The following SLC22A25 variants were observed in gnomAD, a reference collection of about 807,000 sequenced individuals.
SLC22A25 encodes the protein solute carrier family 22 member 25, also known as MGI:2442751, MGI:2385316, MGI:3042283, MGI:3645714, MGI:3605624, MGI:2442750.
A neutral mutation model predicts 45.9 loss-of-function variants in SLC22A25; 44 were observed. That is an observed-to-expected ratio of 0.96 (90% CI 0.75 to 1.23). SLC22A25 has a LOEUF of 1.23. SLC22A25 is among the 50% of genes most tolerant of loss of function. The pLI is 0.00. For missense variants in SLC22A25, 800 were observed against 666.4 expected (o/e 1.20, Z -2.21); for synonymous variants, 283 against 238.6 (o/e 1.19, Z -1.72).
intron 1 of SLC22A25, among the ~76,000 whole-genome samples, chr11:63,242,784 C>T (rs1590931282): frequency 6.6e-6 from 1 of 152,162 alleles, no homozygotes; most frequent in East Asian, 1.9e-4. Flanking sequence ...TTCTATTGCT[C>T]TTTGGCCCCA....
intron 1 of SLC22A25, among the ~76,000 whole-genome samples, chr11:63,241,789 G>T (rs754323475): frequency 1.3e-5 from 2 of 152,146 alleles, no homozygotes; most frequent in African/African-American, 4.8e-5. Context: ...GCACCTGAGG[G>T]TATGCACTGA....
intron 9 of SLC22A25, among the ~76,000 whole-genome samples, chr11:63,179,400 C>T (rs571235452): frequency 3.3e-5 from 5 of 152,200 alleles, no homozygotes; most frequent in African/African-American, 7.2e-5. Flanking sequence ...TCCTGTCTTC[C>T]CAGACTGGCT....
chr11:63,233,222 C>A (rs1456540915), intron 3 of SLC22A25, among the ~76,000 whole-genome samples: 1 of 152,132 alleles, frequency 6.6e-6, no homozygotes, highest in East Asian at 1.9e-4. Context: ...CCAGCTCCTC[C>A]TTTTACCTCT....
intron 7 of SLC22A25, among the ~76,000 whole-genome samples, chr11:63,207,492 C>T (rs1310290986): frequency 1.3e-5 from 2 of 152,078 alleles, no homozygotes; most frequent in Non-Finnish European, 2.9e-5. Flanking sequence ...GACATTTATG[C>T]AGCCAACAAA....
At chr11:63,201,634 C>A (rs539928393) in intron 7 of SLC22A25, among the ~76,000 whole-genome samples, 94 of 152,226 alleles carry the variant, frequency 6.2e-4, no homozygotes, top group African/African-American at 2.1e-3. Context: ...AAAGCAATTG[C>A]AACCAAAGCA....
At chr11:63,164,229 A>G (rs556951774) in intron 11 of SLC22A25, among the ~76,000 whole-genome samples, 156 bp from the exon 12 acceptor site, 1 of 152,286 alleles carries the variant, frequency 6.6e-6, no homozygotes, top group East Asian at 1.9e-4. Context: ...CTAGCAATTT[A>G]TTTTAGATTC....
intron 1 of SLC22A25, among the ~76,000 whole-genome samples, chr11:63,240,619 C>A (rs1029553265): frequency 6.6e-6 from 1 of 151,966 alleles, no homozygotes; most frequent in Non-Finnish European, 1.5e-5. Context: ...TTTTTTATAT[C>A]CTTGTTCATT....
chr11:63,213,767 C>T lies in SLC22A25; in HGVS notation c.830+3547G>A, dbSNP rs546598939. Among the ~76,000 whole-genome samples the T allele has an allele frequency of 5.3e-5, 8 of 152,218 alleles. No individual in the cohort carries two copies. In the East Asian group the frequency reaches 5.8e-4, roughly 11 times the overall value. On this transcript the variant is annotated intron_variant, in intron 7 of 11. Coordinates refer to ENST00000306494, the MANE Select transcript of SLC22A25 (RefSeq NM_199352.6). ...CCCACTGTTGCATAAATATGGTGGA[C>T]GAAGTGTTCTCGAGCCGGGAAGATC...
chr11:63,180,541 T>C, intron 9 of SLC22A25, 119 bp downstream of exon 9: 1 of 686,572 alleles, frequency 1.5e-6, no homozygotes, highest in Non-Finnish European at 2.4e-6. Flanking sequence ...ATTCTCTTTA[T>C]GGATTTATCA....
At position 63,163,214 on chromosome 11, in the gene SLC22A25, A is replaced by C. The variant is rs1284601190; in HGVS notation, c.*610T>G. On this transcript the variant is annotated 3_prime_UTR_variant, in exon 12 of 12. Transcript: ENST00000306494. ...CACTTGGACACCATGGCATTGACCA[A>C]AGGGATTTTGGAAAAGGCAAGAGAA... Among the ~76,000 whole-genome samples, 1 of 152,202 alleles carries C rather than the reference A, an allele frequency of 6.6e-6. No homozygotes were observed. The highest frequency in any genetic ancestry group is 1.5e-5 in the Non-Finnish European group (1 of 68,034).
Position 63,217,668 on chromosome 11 carries a change from AGGCCGCACAG to A in SLC22A25, c.564_573del (p.Cys189LeufsTer24). On this transcript the variant is annotated frameshift_variant, in exon 6 of 12. Transcript: ENST00000306494. LOFTEE classifies it high-confidence loss of function. ...CAGTATACGAGGATGGTGGGAGCAAAGGCCGCACAGGTGCCTACAATGGCGAGCTGGAGGT... is the reference window on the plus strand; with the variant it reads ...CAGTATACGAGGATGGTGGGAGCAAAGTGCCTACAATGGCGAGCTGGAGGT... 2 of 1,613,978 alleles carry A rather than the reference AGGCCGCACAG, an allele frequency of 1.2e-6. No homozygotes were observed. The highest frequency in any genetic ancestry group is 1.7e-6 in the Non-Finnish European group (2 of 1,179,984).
At chr11:63,222,200 A>C (rs2089869019) in intron 5 of SLC22A25, among the ~76,000 whole-genome samples, 1 of 152,140 alleles carries the variant, frequency 6.6e-6, no homozygotes, top group Non-Finnish European at 1.5e-5. Context: ...ATTGCATTGA[A>C]TCTGTGATTG....
chr11:63,242,078 G>T (rs2090258033), intron 1 of SLC22A25, among the ~76,000 whole-genome samples: 2 of 152,170 alleles, frequency 1.3e-5, no homozygotes, highest in South Asian at 4.1e-4. Flanking sequence ...TCCAGTAAGA[G>T]TCACAAGAGA....
chr11:63,230,054 G>A lies in SLC22A25; in HGVS notation c.-402C>T, dbSNP rs1023138963. On this transcript the variant is annotated 5_prime_UTR_variant, in exon 4 of 12. It adds an upstream start codon to the 5' untranslated region. Coordinates refer to ENST00000306494, the MANE Select transcript of SLC22A25 (RefSeq NM_199352.6). ...ACTTGGTATGCAGTCTTTCCAGAAC[G>A]TGTAATCTGTGGGACTCAAAGGCAA... Among the ~76,000 whole-genome samples the A allele has an allele frequency of 2.0e-5, 3 of 152,142 alleles. No individual in the cohort carries two copies.
intron 7 of SLC22A25, among the ~76,000 whole-genome samples, chr11:63,213,376 G>A (rs2089628708): frequency 6.6e-6 from 1 of 152,214 alleles, no homozygotes; most frequent in African/African-American, 2.4e-5. Context: ...GGGAATGGCA[G>A]TGGGAGTCTT....
intron 5 of SLC22A25, 44 bp from the exon 6 acceptor site, chr11:63,217,779 T>A: frequency 6.4e-7 from 1 of 1,556,900 alleles, no homozygotes; most frequent in Non-Finnish European, 8.7e-7. Context: ...AATAACAACC[T>A]TTGGGAAATG....
At chr11:63,175,346 T>A (rs112781395) in intron 9 of SLC22A25, among the ~76,000 whole-genome samples, 5,123 of 152,236 alleles carry the variant, frequency 0.034, 118 homozygotes, top group Non-Finnish European at 0.056. Context: ...TAGTTTTGAC[T>A]TGCATGTTCC....
intron 7 of SLC22A25, among the ~76,000 whole-genome samples, chr11:63,214,611 T>C (rs902619304): frequency 1.3e-5 from 2 of 152,156 alleles, no homozygotes; most frequent in Non-Finnish European, 2.9e-5. Flanking sequence ...ACTAGACAGA[T>C]AAACTCAAGT....
intron 7 of SLC22A25, among the ~76,000 whole-genome samples, chr11:63,194,404 C>T (rs899565141): frequency 1.3e-5 from 2 of 150,946 alleles, no homozygotes; most frequent in Admixed American, 6.6e-5. Context: ...AGGGCAGCCA[C>T]AGAGAAAGGT....
Sources: allele counts gnomAD v4.1 joint callset (sites outside exome capture counted in the v4.1 genomes callset), GRCh38; gene constraint gnomAD v4.1.1; transcripts MANE v1.5; gene names NCBI Gene and HGNC (gene_info 2026-07-23, HGNC 2026-07-21).